FREM2: variants seen among roughly 807,000 people sequenced by gnomAD.
FREM2 encodes FRAS1 related extracellular matrix 2.
Under a neutral mutation model 219.9 loss-of-function variants are expected in FREM2, and 119 were observed. That is an observed-to-expected ratio of 0.54 (90% CI 0.47 to 0.63). FREM2 has a LOEUF of 0.63. Among genes scored for constraint, FREM2 ranks in the 30% least tolerant of loss-of-function variants. The pLI is 0.00. For synonymous variants in FREM2, 1,562 were observed against 1,522.8 expected (o/e 1.03, Z -0.60); for missense variants, 4,030 against 3,993.6 (o/e 1.01, Z -0.25).
Position 38,870,457 on chromosome 13 carries a change from A to G in FREM2, c.7984-2285A>G, listed in dbSNP as rs116348311. On this transcript the variant is annotated intron_variant, in intron 16 of 23. Transcript: ENST00000280481. ...TCGGTTTCTTTAAGATTTGACAGAT[A>G]TTTATTTCAGTATAAACAAATACCT... 6.0e-3 allele frequency among the ~76,000 whole-genome samples: 918 copies of G among 152,336 alleles called. 10 individuals carry two copies. The highest frequency in any genetic ancestry group is 0.021 in the African/African-American group (872 of 41,576).
At chr13:38,834,188 G>A (rs374852088) in intron 6 of FREM2, among the ~76,000 whole-genome samples, 182 of 151,634 alleles carry the variant, frequency 1.2e-3, no homozygotes, top group African/African-American at 4.3e-3. Context: ...CCCCCAATAG[G>A]CCCCAGTGTG....
At chr13:38,764,159 C>T (rs1471210056) in intron 2 of FREM2, 145 bp from the exon 3 acceptor site, 1 of 651,090 alleles carries the variant, frequency 1.5e-6, no homozygotes, top group Non-Finnish European at 2.8e-6. Flanking sequence ...TAAGCTGTAT[C>T]TCCATGTACA....
chr13:38,861,984 T>A (rs945121466), intron 15 of FREM2, among the ~76,000 whole-genome samples: 1 of 152,226 alleles, frequency 6.6e-6, no homozygotes, highest in Admixed American at 6.5e-5. Context: ...ATTTCCAAGA[T>A]ATTTAAATAA....
At chr13:38,809,121 A>G (rs1379966744) in intron 6 of FREM2, among the ~76,000 whole-genome samples, 1 of 151,526 alleles carries the variant, frequency 6.6e-6, no homozygotes, top group African/African-American at 2.4e-5. Flanking sequence ...GATTATCTTA[A>G]AAGCCTTGTC....
chr13:38,828,917 C>T (rs1427869449), intron 6 of FREM2, among the ~76,000 whole-genome samples: 1 of 151,992 alleles, frequency 6.6e-6, no homozygotes, highest in Non-Finnish European at 1.5e-5. Flanking sequence ...TGCTGTAGTA[C>T]ATATCCTTTT....
In FREM2 at chr13:38,687,820, C is replaced by A; in HGVS notation, c.476C>A (p.Ala159Glu). ...GTCCGGCTGCAGCTGCGCTATGACG[C>A]GCCCGGAGGGGCAGTAGTGCTACCA... ...DRVRLQLRYDAPGGAVVLPLV... is the reference protein window; with the variant it reads ...DRVRLQLRYDEPGGAVVLPLV... The change falls in exon 1 of 24, where the codon GCG becomes GAG. Residue 159 changes from alanine (A) to glutamate (E), a missense_variant. Physicochemically the swap from Ala to Glu is moderately radical, Grantham distance 107. Coordinates refer to ENST00000280481, the MANE Select transcript of FREM2 (RefSeq NM_207361.6). The A allele has an allele frequency of 6.5e-7, 1 of 1,544,504 alleles. No individual in the cohort carries two copies. The highest frequency in any genetic ancestry group is 2.3e-5 in the East Asian group (1 of 43,460).
intron 2 of FREM2, among the ~76,000 whole-genome samples, chr13:38,734,164 C>CA (rs200422958): frequency 0.011 from 1,575 of 148,628 alleles, 24 homozygotes; most frequent in African/African-American, 0.037. Context: ...TTTGCACACA[C>CA]ACAAAAAAAA....
intron 6 of FREM2, among the ~76,000 whole-genome samples, chr13:38,797,313 T>C (rs1874832117): frequency 6.6e-6 from 1 of 152,156 alleles, no homozygotes; most frequent in Non-Finnish European, 1.5e-5. Context: ...GGTAAGATGC[T>C]GTCTCATTGT....
At chr13:38,826,566 C>A (rs1355712947) in intron 6 of FREM2, among the ~76,000 whole-genome samples, 1 of 151,912 alleles carries the variant, frequency 6.6e-6, no homozygotes, top group African/African-American at 2.4e-5. Flanking sequence ...TGCCTGCAGG[C>A]GTGTTCAGGT....
At chr13:38,876,898 G>A (rs1432883917) in intron 20 of FREM2, among the ~76,000 whole-genome samples, 1 of 152,136 alleles carries the variant, frequency 6.6e-6, no homozygotes, top group Non-Finnish European at 1.5e-5. Context: ...AAGCAATGCT[G>A]TTTAGTCCCA....
chr13:38,814,677 G>T (rs994442093), intron 6 of FREM2, among the ~76,000 whole-genome samples: 5 of 152,148 alleles, frequency 3.3e-5, no homozygotes, highest in Non-Finnish European at 7.4e-5. Flanking sequence ...GGCCCCAAAT[G>T]TGTCCAGGGA....
At chr13:38,878,720 G>T (rs539401981) in intron 22 of FREM2, 111 bp from the exon 23 acceptor site, 1 of 1,116,440 alleles carries the variant, frequency 9.0e-7, no homozygotes, top group African/African-American at 1.5e-5. Context: ...AAACCAAATG[G>T]TGACATTTTA....
intron 6 of FREM2, among the ~76,000 whole-genome samples, chr13:38,816,722 C>G (rs1359508063): frequency 6.6e-6 from 1 of 151,998 alleles, no homozygotes; most frequent in African/African-American, 2.4e-5. Context: ...GAAGACCTAG[C>G]CGGAGCAATT....
chr13:38,848,011 C>G (rs1222426427), intron 7 of FREM2, among the ~76,000 whole-genome samples: 1 of 152,152 alleles, frequency 6.6e-6, no homozygotes, highest in African/African-American at 2.4e-5. Flanking sequence ...AACCACATAC[C>G]TGAGTAGGAT....
intron 15 of FREM2, among the ~76,000 whole-genome samples, chr13:38,863,181 C>G (rs1327247009): frequency 6.6e-6 from 1 of 152,116 alleles, no homozygotes; most frequent in Admixed American, 6.5e-5. Context: ...TCCTAAGTAG[C>G]TGGAATTACA....
intron 2 of FREM2, among the ~76,000 whole-genome samples, chr13:38,740,858 G>A (rs1275667320): frequency 6.6e-6 from 1 of 152,160 alleles, no homozygotes; most frequent in African/African-American, 2.4e-5. Flanking sequence ...ATAAGAATCA[G>A]GACTTGCTCA....
Position 38,691,564 on chromosome 13 carries a change from A to G in FREM2, c.4220A>G (p.Asp1407Gly). 5 of 1,614,114 alleles carry G rather than the reference A, an allele frequency of 3.1e-6. No individual in the cohort carries two copies. The highest frequency in any genetic ancestry group is 3.4e-6 in the Non-Finnish European group (4 of 1,180,028). ...ACTGATGGAATAAATCCCCTCATAG[A>G]TCGTTACTTTTATGTGTCCATCGGG... ...DVTDGINPLI[D>G]RYFYVSIGSI... Residue 1407 changes from aspartate (D) to glycine (G), a missense_variant, in exon 1 of 24, where the codon GAT (aspartate) becomes GGT (glycine). Physicochemically the swap from Asp to Gly is moderately conservative, Grantham distance 94. This residue lies in a region of FREM2 where 3,102 missense variants were observed against 2,950.7 expected (regional missense o/e 1.05). Transcript: ENST00000280481.
intron 6 of FREM2, among the ~76,000 whole-genome samples, chr13:38,793,529 G>C (rs1467381656): frequency 6.6e-6 from 1 of 152,190 alleles, no homozygotes; most frequent in Non-Finnish European, 1.5e-5. Context: ...AGTTTGGAGA[G>C]GTGGGCGAGG....
At chr13:38,786,009 C>G (rs2137833160) in intron 6 of FREM2, among the ~76,000 whole-genome samples, 1 of 152,212 alleles carries the variant, frequency 6.6e-6, no homozygotes, top group South Asian at 2.1e-4. Context: ...GTGGTCAGAT[C>G]AGCATAATTA....
Sources: allele counts gnomAD v4.1 joint callset (sites outside exome capture counted in the v4.1 genomes callset), GRCh38; gene constraint gnomAD v4.1.1; regional missense constraint gnomAD v4.1.1; transcripts MANE v1.5; gene names NCBI Gene and HGNC (gene_info 2026-07-23, HGNC 2026-07-21).